The following PPFIA2 variants were observed in gnomAD, a reference collection of about 807,000 sequenced individuals.
PPFIA2 encodes PPFI scaffold protein A2.
In PPFIA2, 46 loss-of-function variants were observed where a neutral mutation model predicts 175.5. The ratio of observed to expected loss-of-function variants is 0.26; its 90% CI spans 0.21 to 0.34. The LOEUF is 0.34. Ranked by LOEUF, PPFIA2 falls within the 10% of genes least tolerant of loss-of-function variation. The probability of loss-of-function intolerance (pLI) is 1.00; values close to 1 mark genes in which losing one functional copy is unlikely to be tolerated. For missense variants in PPFIA2, 1,179 were observed against 1,506.1 expected (o/e 0.78, Z 3.60); for synonymous variants, 568 against 511.4 (o/e 1.11, Z -1.49).
intron 7 of PPFIA2, 30 bp from the exon 8 acceptor site, chr12:81,405,933 G>T: frequency 8.1e-7 from 1 of 1,237,658 alleles, no homozygotes; most frequent in Non-Finnish European, 1.1e-6. Flanking sequence ...TGCCTTTAAA[G>T]TCTAAATAGG....
chr12:81,360,806 CTTAA>C (rs939382605), intron 15 of PPFIA2, among the ~76,000 whole-genome samples: 5 of 151,478 alleles, frequency 3.3e-5, no homozygotes, highest in South Asian at 2.1e-4. Context: ...GCTAGCTTAC[CTTAA>C]TTATTTCTAT....
intron 23 of PPFIA2, among the ~76,000 whole-genome samples, chr12:81,296,243 C>T (rs137883203): frequency 0.014 from 2,111 of 151,746 alleles, 115 homozygotes; most frequent in Admixed American, 0.1. Context: ...TGCTTAAACC[C>T]GGGAGGCAGA....
rs1232264768 is a variant in PPFIA2, at chr12:81,396,090, G to GA, written c.762+9696dup. Among the ~76,000 whole-genome samples the GA allele has an allele frequency of 9.9e-5, 15 of 152,066 alleles. No homozygotes were observed. In the South Asian group the frequency reaches 2.1e-3, roughly 21 times the overall value. On this transcript the variant is annotated intron_variant, in intron 8 of 32. Coordinates refer to ENST00000549396, the MANE Select transcript of PPFIA2 (RefSeq NM_003625.5). The stretch of plus-strand genomic sequence containing the variant: ...TGGCCCCTACAATCTCAACAGAGTT[G>GA]AAAAATGGAATTTGAAAAGTTGATA...
At chr12:81,425,123 G>GTAA (rs2144078023) in intron 7 of PPFIA2, among the ~76,000 whole-genome samples, 1 of 152,192 alleles carries the variant, frequency 6.6e-6, no homozygotes, top group South Asian at 2.1e-4. Flanking sequence ...TGTTTTAAAG[G>GTAA]TGATTAGATA....
intron 4 of PPFIA2, among the ~76,000 whole-genome samples, chr12:81,663,473 A>C (rs2069383902): frequency 6.6e-6 from 1 of 152,226 alleles, no homozygotes; most frequent in Non-Finnish European, 1.5e-5. Flanking sequence ...CTAGGAATCC[A>C]ACTTACAATG....
intron 3 of PPFIA2, among the ~76,000 whole-genome samples, chr12:81,718,114 A>C (rs1307636332): frequency 6.6e-6 from 1 of 151,618 alleles, no homozygotes; most frequent in Non-Finnish European, 1.5e-5. Flanking sequence ...AACATCATCC[A>C]CTACAGAAGG....
At position 81,362,760 on chromosome 12, in the gene PPFIA2, T is replaced by C; in HGVS notation, c.1570A>G (p.Lys524Glu). 1 of 1,546,218 alleles carries C rather than the reference T, an allele frequency of 6.5e-7. No individual in the cohort carries two copies. The highest frequency in any genetic ancestry group is 8.7e-7 in the Non-Finnish European group (1 of 1,142,976). The change falls in exon 15 of 33, where the codon AAG becomes GAG. Residue 524 changes from lysine (K) to glutamate (E), a missense_variant. Around this residue, in one of 10 missense-constraint regions of PPFIA2, gnomAD observed 186 missense variants for 163.6 expected, o/e 1.14. Transcript: ENST00000549396. ...AATTGGTCAAGTTCAGATCTCAGCT[T>C]TTCAATTTCTTCTGCTAATCTTTCC... ...DKERLAEEIE[K>E]LRSELDQLKM...
intron 22 of PPFIA2, among the ~76,000 whole-genome samples, chr12:81,323,388 C>G (rs138145595): frequency 6.6e-6 from 1 of 152,024 alleles, no homozygotes; most frequent in South Asian, 2.1e-4. Context: ...CAACTGTGTA[C>G]GTACGATCTG....
At position 81,405,845 on chromosome 12, in the gene PPFIA2, C is replaced by T. The variant is rs550703985; in HGVS notation, c.704G>A (p.Gly235Glu). 52 of 1,582,050 alleles carry T rather than the reference C, an allele frequency of 3.3e-5. No homozygotes were observed. In the East Asian group the frequency reaches 1.2e-3, roughly 35 times the overall value. The change falls in exon 8 of 33, where the codon GGA (glycine) becomes GAA (glutamate). Residue 235 changes from glycine to glutamate, a missense_variant. Coordinates refer to ENST00000549396, the MANE Select transcript of PPFIA2 (RefSeq NM_003625.5). ...HIQRKMASSE[G>E]STESEHLEGM... is the part of the protein sequence containing the mutation. ...TTCAAGATGTTCTGACTCTGTGGATCCCTCGCTTGATGCCATTTTTCTTTG... is the reference window on the plus strand; with the variant it reads ...TTCAAGATGTTCTGACTCTGTGGATTCCTCGCTTGATGCCATTTTTCTTTG...
At chr12:81,314,972 G>C (rs1257141773) in intron 22 of PPFIA2, among the ~76,000 whole-genome samples, 1 of 151,692 alleles carries the variant, frequency 6.6e-6, no homozygotes, top group Non-Finnish European at 1.5e-5. Flanking sequence ...CGCACAAAAT[G>C]ACTAAGAAAA....
intron 3 of PPFIA2, among the ~76,000 whole-genome samples, chr12:81,725,202 T>G (rs544681406): frequency 2.6e-5 from 4 of 151,054 alleles, no homozygotes; most frequent in East Asian, 2.0e-4. Flanking sequence ...ACTTACATAA[T>G]AAGATTAGGT....
rs2083018941 is a variant in PPFIA2 at position 81,746,019 on chromosome 12, T to C, written c.249+7954A>G. On this transcript the variant is annotated intron_variant, in intron 3 of 32. Coordinates refer to ENST00000549396, the MANE Select transcript of PPFIA2 (RefSeq NM_003625.5). ...TCTTTGTAGAGTCCAAATATGGAGT[T>C]TGAGTTAAGACAAAACTTACTGGTT... Among the ~76,000 whole-genome samples, 3 of 109,190 alleles carry C rather than the reference T, an allele frequency of 2.7e-5. 1 individual carries two copies. The Admixed American group carries it at 3.4e-4, about 12-fold the overall frequency. 71.6% of individuals were successfully genotyped at this position (109,190 alleles called of 152,430 possible). A position where few individuals can be genotyped will look rare whatever the true frequency, so the allele number is the denominator to read the frequency against.
At chr12:81,539,088 T>G (rs2065837423) in intron 4 of PPFIA2, among the ~76,000 whole-genome samples, 1 of 151,940 alleles carries the variant, frequency 6.6e-6, no homozygotes, top group South Asian at 2.1e-4. Context: ...AAGGATGATT[T>G]CAAGATTTTA....
chr12:81,621,936 G>A (rs1225958428), intron 4 of PPFIA2, among the ~76,000 whole-genome samples: 2 of 152,124 alleles, frequency 1.3e-5, no homozygotes, highest in Non-Finnish European at 2.9e-5. Flanking sequence ...TAGACTTAAG[G>A]GAGTAAGTAT....
chr12:81,554,552 T>C (rs2068507963), intron 4 of PPFIA2, among the ~76,000 whole-genome samples: 1 of 152,058 alleles, frequency 6.6e-6, no homozygotes, highest in African/African-American at 2.4e-5. Context: ...AGTTTTAAGA[T>C]CCAACAAAAT....
At chr12:81,640,675 T>G (rs1003741442) in intron 4 of PPFIA2, among the ~76,000 whole-genome samples, 1 of 151,402 alleles carries the variant, frequency 6.6e-6, no homozygotes, top group African/African-American at 2.4e-5. Context: ...TTCAAGCGAG[T>G]TTTTCCTTCT....
At chr12:81,346,754 A>C (rs912341471) in intron 18 of PPFIA2, among the ~76,000 whole-genome samples, 1 of 151,848 alleles carries the variant, frequency 6.6e-6, no homozygotes, top group Non-Finnish European at 1.5e-5. Context: ...AATTTATGTT[A>C]TATATTGAAA....
intron 4 of PPFIA2, among the ~76,000 whole-genome samples, chr12:81,640,145 G>A (rs182195688): frequency 2.0e-5 from 3 of 152,166 alleles, no homozygotes; most frequent in Admixed American, 2.0e-4. Context: ...TAATGTCTGT[G>A]TAACATTTGA....
At chr12:81,665,308 A>T (rs2069942509) in intron 4 of PPFIA2, among the ~76,000 whole-genome samples, 1 of 152,062 alleles carries the variant, frequency 6.6e-6, no homozygotes, top group Non-Finnish European at 1.5e-5. Context: ...AATTATTTCT[A>T]AAATGTTTTC....
Sources: allele counts gnomAD v4.1 joint callset (sites outside exome capture counted in the v4.1 genomes callset), GRCh38; gene constraint gnomAD v4.1.1; regional missense constraint gnomAD v4.1.1; transcripts MANE v1.5; gene names NCBI Gene and HGNC (gene_info 2026-07-23, HGNC 2026-07-21).